The following MOXD1 variants were observed in gnomAD, a reference collection of about 807,000 sequenced individuals.
The protein encoded by MOXD1 is monooxygenase DBH like 1, also known as DBH-like monooxygenase protein 1.
MOXD1 carries 62 observed loss-of-function variants against 66.6 expected under a neutral mutation model. The ratio of observed to expected loss-of-function variants is 0.93; its 90% CI spans 0.76 to 1.15. The LOEUF is 1.15. Ranked by LOEUF, MOXD1 falls within the 50% of genes most tolerant of loss-of-function variation. The pLI is 0.00. For missense variants in MOXD1, 847 were observed against 754.6 expected (o/e 1.12, Z -1.44); for synonymous variants, 303 against 281.9 (o/e 1.07, Z -0.75).
At position 132,401,145 on chromosome 6, in the gene MOXD1, G is replaced by C. The variant is rs537843552; in HGVS notation, c.264+18C>G. The C allele has an allele frequency of 3.4e-6, 5 of 1,486,876 alleles. No homozygotes were observed. The South Asian group carries it at 6.5e-5, about 19-fold the overall frequency. 92.1% of individuals were successfully genotyped at this position (1,486,876 alleles called of 1,614,324 possible). ...GACCGGGCTCGGCCGGGCGGGCTCC[G>C]GGAGGAGACGCGCTTACCTGGAGGT... On this transcript the variant is annotated intron_variant, in intron 1 of 11. Coordinates refer to ENST00000367963, the MANE Select transcript of MOXD1 (RefSeq NM_015529.4).
At chr6:132,379,052 A>T (rs1776456916) in intron 1 of MOXD1, among the ~76,000 whole-genome samples, 1 of 151,326 alleles carries the variant, frequency 6.6e-6, no homozygotes, top group South Asian at 2.1e-4. Flanking sequence ...TTGTTACCAA[A>T]ATTAAAGACA....
intron 10 of MOXD1, among the ~76,000 whole-genome samples, chr6:132,305,264 C>T (rs1373030883): frequency 6.6e-6 from 1 of 152,242 alleles, no homozygotes; most frequent in Non-Finnish European, 1.5e-5. Flanking sequence ...ACCAGAATGC[C>T]TCTTCAGGCT....
At chr6:132,333,904 G>T (rs1288735617) in intron 4 of MOXD1, among the ~76,000 whole-genome samples, 2 of 152,170 alleles carry the variant, frequency 1.3e-5, no homozygotes, top group Non-Finnish European at 2.9e-5. Context: ...ACCTGAAAGA[G>T]GAAAACAGTC....
At chr6:132,358,727 T>C (rs890819868) in intron 4 of MOXD1, among the ~76,000 whole-genome samples, 2 of 152,142 alleles carry the variant, frequency 1.3e-5, no homozygotes, top group African/African-American at 4.8e-5. Flanking sequence ...AATCAGCTAT[T>C]ATGGAGAAAA....
At chr6:132,339,367 C>A (rs1775503167) in intron 4 of MOXD1, among the ~76,000 whole-genome samples, 1 of 152,138 alleles carries the variant, frequency 6.6e-6, no homozygotes, top group Admixed American at 6.5e-5. Flanking sequence ...ACTCAAATGA[C>A]AACTCCCCAC....
chr6:132,342,179 T>C (rs1409346412), intron 4 of MOXD1, among the ~76,000 whole-genome samples: 1 of 152,158 alleles, frequency 6.6e-6, no homozygotes, highest in African/African-American at 2.4e-5. Flanking sequence ...ATTTTGTATT[T>C]TTAGTAGAGA....
chr6:132,369,162 C>A (rs1243886986), intron 4 of MOXD1, among the ~76,000 whole-genome samples: 2 of 152,078 alleles, frequency 1.3e-5, no homozygotes, highest in Non-Finnish European at 2.9e-5. Flanking sequence ...ATTCCTGAAT[C>A]TCTGCAACTA....
intron 4 of MOXD1, among the ~76,000 whole-genome samples, chr6:132,368,675 T>C (rs1776196119): frequency 6.6e-6 from 1 of 152,092 alleles, no homozygotes; most frequent in East Asian, 1.9e-4. Context: ...ATGGTTAAAA[T>C]TTAAATTTTA....
intron 4 of MOXD1, among the ~76,000 whole-genome samples, chr6:132,348,918 T>G (rs563591000): frequency 6.6e-6 from 1 of 152,304 alleles, no homozygotes; most frequent in South Asian, 2.1e-4. Context: ...GCCAAGTCTT[T>G]CATCTTCTAC....
At chr6:132,374,498 TAA>T in intron 2 of MOXD1, 131 bp downstream of exon 2, 1 of 965,508 alleles carries the variant, frequency 1.0e-6, no homozygotes, top group Non-Finnish European at 1.4e-6. Flanking sequence ...AAAAAAAAAC[TAA>T]AAAAAATCAA....
Position 132,341,006 on chromosome 6 carries a change from T to C in MOXD1, c.664-12412A>G, listed in dbSNP as rs550235132. Among the ~76,000 whole-genome samples, 23 of 152,314 alleles carry C rather than the reference T, an allele frequency of 1.5e-4. No individual in the cohort carries two copies. The South Asian group carries it at 3.5e-3, about 23-fold the overall frequency. ...TGTCCTCTAAGTTGCTTTTTAGTCA[T>C]AGCTATCATCCTAATCCACATCTCT... is the stretch of plus-strand genomic sequence containing the variant. On this transcript the variant is annotated intron_variant, in intron 4 of 11. Transcript: ENST00000367963.
At chr6:132,326,586 T>C (rs1012213072) in intron 6 of MOXD1, among the ~76,000 whole-genome samples, 3 of 152,192 alleles carry the variant, frequency 2.0e-5, no homozygotes, top group Non-Finnish European at 2.9e-5. Flanking sequence ...CCCATTGTTA[T>C]TGTGATGACA....
At chr6:132,329,956 T>C (rs1345606800) in intron 4 of MOXD1, among the ~76,000 whole-genome samples, 1 of 152,196 alleles carries the variant, frequency 6.6e-6, no homozygotes, top group Non-Finnish European at 1.5e-5. Context: ...GGTCCTAATG[T>C]GGAAAGCGTG....
At chr6:132,305,336 A>G (rs1292093258) in intron 10 of MOXD1, among the ~76,000 whole-genome samples, 1 of 152,252 alleles carries the variant, frequency 6.6e-6, no homozygotes, top group Admixed American at 6.5e-5. Context: ...AATGACTCCA[A>G]CTAGAGGCTC....
chr6:132,378,878 T>C (rs1362971961), intron 1 of MOXD1, among the ~76,000 whole-genome samples: 1 of 49,668 alleles, frequency 2.0e-5, no homozygotes, highest in Non-Finnish European at 2.9e-5. Flanking sequence ...ACTTCCTCTT[T>C]TTTTTTTTTT....
At chr6:132,338,479 C>T (rs1775483424) in intron 4 of MOXD1, among the ~76,000 whole-genome samples, 1 of 152,186 alleles carries the variant, frequency 6.6e-6, no homozygotes, top group African/African-American at 2.4e-5. Flanking sequence ...TGTCCAGCAA[C>T]CTTGCCCAGA....
At chr6:132,348,185 G>A (rs1248279328) in intron 4 of MOXD1, among the ~76,000 whole-genome samples, 1 of 152,132 alleles carries the variant, frequency 6.6e-6, no homozygotes, top group Non-Finnish European at 1.5e-5. Context: ...ATAGATGTAG[G>A]TTTCTTGAGA....
At chr6:132,356,213 C>T (rs977976412) in intron 4 of MOXD1, among the ~76,000 whole-genome samples, 22 of 152,104 alleles carry the variant, frequency 1.4e-4, no homozygotes, top group Non-Finnish European at 1.3e-4. Flanking sequence ...GCACTTTTAT[C>T]TAGGCAATTC....
intron 4 of MOXD1, among the ~76,000 whole-genome samples, chr6:132,358,181 G>C (rs779619816): frequency 2.6e-5 from 4 of 152,168 alleles, no homozygotes; most frequent in African/African-American, 4.8e-5. Flanking sequence ...TATGTGACCA[G>C]AAAGACAGGA....
Sources: allele counts gnomAD v4.1 joint callset (sites outside exome capture counted in the v4.1 genomes callset), GRCh38; gene constraint gnomAD v4.1.1; transcripts MANE v1.5; gene names NCBI Gene and HGNC (gene_info 2026-07-23, HGNC 2026-07-21).